Variants in CLYBL observed in about 807,000 individuals in gnomAD.
CLYBL encodes citramalyl-CoA lyase, mitochondrial.
In CLYBL, 31 loss-of-function variants were observed where a neutral mutation model predicts 38.9. The ratio of observed to expected loss-of-function variants is 0.80; its 90% confidence interval spans 0.60 to 1.08. The LOEUF (loss-of-function observed/expected upper bound fraction) is 1.08. Ranked by LOEUF, CLYBL falls within the 50% of genes least tolerant of loss-of-function variation. CLYBL has a pLI of 0.00. For missense variants in CLYBL, 434 were observed against 411.6 expected, an observed-to-expected ratio of 1.05 and a Z score of -0.47; for synonymous variants, 171 against 158.6, an observed-to-expected ratio of 1.08 and a Z score of -0.59.
At chr13:99,819,267 C>G (rs995714500) in intron 2 of CLYBL, among the ~76,000 whole-genome samples, 10 of 150,202 alleles carry the variant, frequency 6.7e-5, no homozygotes, top group Non-Finnish European at 1.5e-4. Flanking sequence ...ATCACTGGAG[C>G]CCAGGAATTT....
At chr13:99,647,277 T>C (rs1047000789) in intron 1 of CLYBL, among the ~76,000 whole-genome samples, 16 of 152,154 alleles carry the variant, frequency 1.1e-4, no homozygotes, top group Admixed American at 3.9e-4. Flanking sequence ...CACAAGCTTG[T>C]TCATAGGCAG....
chr13:99,673,702 G>A (rs1401622722), intron 1 of CLYBL, among the ~76,000 whole-genome samples: 1 of 152,158 alleles, frequency 6.6e-6, no homozygotes, highest in Non-Finnish European at 1.5e-5. Flanking sequence ...TCGCTGGAAG[G>A]ATGTTGGCTT....
At chr13:99,809,997 A>G (rs1022812474) in intron 2 of CLYBL, among the ~76,000 whole-genome samples, 5 of 152,262 alleles carry the variant, frequency 3.3e-5, no homozygotes, top group African/African-American at 1.2e-4. Flanking sequence ...TGGCAAGTGG[A>G]AATGTCCATT....
chr13:99,720,932 T>C (rs181176034), intron 1 of CLYBL, among the ~76,000 whole-genome samples: 1 of 152,324 alleles, frequency 6.6e-6, no homozygotes, highest in Non-Finnish European at 1.5e-5. Context: ...TCATTAGCAT[T>C]TGTTGTAAGG....
chr13:99,890,402 A>C (rs1162745100), intron 7 of CLYBL, among the ~76,000 whole-genome samples: 2 of 152,196 alleles, frequency 1.3e-5, no homozygotes, highest in African/African-American at 4.8e-5. Context: ...AAGAGATTTC[A>C]GAGATGCCTT....
chr13:99,738,434 T>C (rs1023110259), intron 1 of CLYBL, among the ~76,000 whole-genome samples: 1 of 152,144 alleles, frequency 6.6e-6, no homozygotes, highest in African/African-American at 2.4e-5. Flanking sequence ...ATGGATCAAA[T>C]GTAAGGGTTT....
intron 1 of CLYBL, among the ~76,000 whole-genome samples, chr13:99,728,521 G>A (rs9517861): frequency 0.14 from 20,425 of 150,796 alleles, 1,909 homozygotes; most frequent in East Asian, 0.43. Flanking sequence ...CTCATGATCC[G>A]CCTCCCTCGG....
intron 1 of CLYBL, among the ~76,000 whole-genome samples, chr13:99,706,048 C>T (rs1347369639): frequency 6.6e-6 from 1 of 152,004 alleles, no homozygotes; most frequent in Non-Finnish European, 1.5e-5. Context: ...TCTCCTGCCT[C>T]AGCCTTCCAA....
intron 2 of CLYBL, among the ~76,000 whole-genome samples, chr13:99,802,685 T>C (rs2050158554): frequency 6.6e-6 from 1 of 152,194 alleles, no homozygotes; most frequent in African/African-American, 2.4e-5. Context: ...CCCAGGACTT[T>C]AGATGGGAGT....
chr13:99,819,465 T>TATAA lies in CLYBL; in HGVS notation c.250-39395_250-39392dup, dbSNP rs1555312485. ...ATATATATATATATATATATATATATATAATATTTGTCAGGGTTGTCTGGG... is the reference window on the plus strand; with the variant it reads ...ATATATATATATATATATATATATATATAAATAATATTTGTCAGGGTTGTCTGGG... On this transcript the variant is annotated intron_variant, in intron 2 of 8. Coordinates refer to ENST00000339105, the MANE Select transcript of CLYBL (RefSeq NM_206808.5). 5.3e-3 allele frequency among the ~76,000 whole-genome samples: 314 copies of TATAA among 58,720 alleles called. 25 individuals are homozygous for TATAA. The highest frequency in any genetic ancestry group is 0.016 in the South Asian group (28 of 1,718). The allele number at this position is 58,720 out of a possible 152,430, so 38.5% of individuals were successfully genotyped here. A position where few individuals can be genotyped will look rare whatever the true frequency, so the allele number is the denominator to read the frequency against.
At chr13:99,673,282 G>A (rs547633439) in intron 1 of CLYBL, among the ~76,000 whole-genome samples, 96 of 152,060 alleles carry the variant, frequency 6.3e-4, no homozygotes, top group Middle Eastern at 3.4e-3. Context: ...GCATGGTGGC[G>A]CACACCTGTA....
intron 2 of CLYBL, among the ~76,000 whole-genome samples, chr13:99,796,608 G>A (rs1486101211): frequency 1.3e-5 from 2 of 152,206 alleles, no homozygotes; most frequent in Non-Finnish European, 2.9e-5. Flanking sequence ...CTTGCCCAAG[G>A]TCACACAGCT....
intron 2 of CLYBL, among the ~76,000 whole-genome samples, chr13:99,780,241 T>G (rs964197433): frequency 6.6e-6 from 1 of 152,204 alleles, no homozygotes; most frequent in African/African-American, 2.4e-5. Flanking sequence ...TGTGGTCTGA[T>G]CGTAATACAG....
At chr13:99,675,008 G>A (rs1180445553) in intron 1 of CLYBL, among the ~76,000 whole-genome samples, 1 of 152,146 alleles carries the variant, frequency 6.6e-6, no homozygotes, top group Non-Finnish European at 1.5e-5. Context: ...AATAGCTGCT[G>A]CATTCCAGTC....
chr13:99,713,605 G>A (rs1253779231), intron 1 of CLYBL, among the ~76,000 whole-genome samples: 3 of 152,088 alleles, frequency 2.0e-5, no homozygotes, highest in Non-Finnish European at 4.4e-5. Flanking sequence ...CTTCCAAAGT[G>A]CTGGGATTAC....
At chr13:99,799,377 T>TCTCACACACACA (rs1555308849) in intron 2 of CLYBL, among the ~76,000 whole-genome samples, 3 of 150,176 alleles carry the variant, frequency 2.0e-5, no homozygotes, top group Non-Finnish European at 3.0e-5. Flanking sequence ...ATACACACAT[T>TCTCACACACACA]CACACACACA....
chr13:99,685,919 G>A (rs1205778417), intron 1 of CLYBL, among the ~76,000 whole-genome samples: 5 of 152,032 alleles, frequency 3.3e-5, no homozygotes, highest in South Asian at 2.1e-4. Context: ...CGGAGATTGC[G>A]CCATTGCACT....
chr13:99,724,463 G>A (rs1594139710), intron 1 of CLYBL, among the ~76,000 whole-genome samples: 1 of 151,950 alleles, frequency 6.6e-6, no homozygotes, highest in East Asian at 1.9e-4. Flanking sequence ...GTTGGCAGCC[G>A]GCACCCTCCC....
chr13:99,884,848 A>G lies in CLYBL; in HGVS notation c.928-6470A>G, dbSNP rs143790346. The G allele has an allele frequency of 1.9e-3, 753 of 403,630 alleles. 5 individuals carry two copies. The highest frequency in any genetic ancestry group is 0.015 in the African/African-American group (704 of 48,508). 25.0% of individuals were successfully genotyped at this position (403,630 alleles called of 1,614,324 possible). A position where few individuals can be genotyped will look rare whatever the true frequency, so the allele number is the denominator to read the frequency against. On this transcript the variant is annotated intron_variant, in intron 7 of 8. Coordinates refer to ENST00000339105, the MANE Select transcript of CLYBL (RefSeq NM_206808.5). The stretch of plus-strand genomic sequence containing the variant: ...CCTCACTGCACATTCCAGGTGACTT[A>G]AAGATTCAGCAGGGATGTGTGACAG...
Sources: gnomAD v4.1 joint callset for allele counts (sites outside exome capture counted in the v4.1 genomes callset) on GRCh38, gnomAD v4.1.1 for gene constraint, MANE v1.5 for transcripts, NCBI Gene and HGNC (gene_info 2026-07-23, HGNC 2026-07-21) for gene names.